The following SHISA9 variants were observed in gnomAD, a reference collection of about 807,000 sequenced individuals.
SHISA9 encodes protein shisa-9.
SHISA9 carries 13 observed loss-of-function variants against 38.0 expected under a neutral mutation model. The observed-to-expected ratio is 0.34, with a 90% CI of 0.22 to 0.54. The LOEUF is 0.54. Among genes scored for constraint, SHISA9 ranks in the 20% least tolerant of loss-of-function variants. The pLI, the probability that SHISA9 is intolerant of heterozygous loss-of-function variation, is 0.91. For synonymous variants in SHISA9, 275 were observed against 242.0 expected, an observed-to-expected ratio of 1.14 and a Z score of -1.27; for missense variants, 538 against 575.8, an observed-to-expected ratio of 0.93 and a Z score of 0.67.
intron 2 of SHISA9, among the ~76,000 whole-genome samples, chr16:13,108,495 G>C (rs1473714015): frequency 6.6e-6 from 1 of 151,908 alleles, no homozygotes; most frequent in East Asian, 1.9e-4. Flanking sequence ...TAAACTCCTG[G>C]GTCAGGTGAT....
chr16:13,460,438 G>C, the SHISA9 span, among the ~76,000 whole-genome samples: 1 of 152,126 alleles, frequency 6.6e-6, no homozygotes, highest in African/African-American at 2.4e-5. Flanking sequence ...CTTTACAGAG[G>C]AGGAACCCCA....
the SHISA9 span, among the ~76,000 whole-genome samples, chr16:13,340,006 G>A: frequency 6.6e-6 from 1 of 152,082 alleles, no homozygotes; most frequent in African/African-American, 2.4e-5. Context: ...ATTTGATGTG[G>A]AGGGCTATAA....
At chr16:13,185,896 T>C (rs2050816777) in intron 2 of SHISA9, among the ~76,000 whole-genome samples, 1 of 152,242 alleles carries the variant, frequency 6.6e-6, no homozygotes, top group Non-Finnish European at 1.5e-5. Context: ...AATCAAGGAC[T>C]GAGTTTTGTA....
intron 2 of SHISA9, among the ~76,000 whole-genome samples, chr16:13,076,466 C>T (rs547126957): frequency 6.6e-6 from 1 of 152,308 alleles, no homozygotes; most frequent in South Asian, 2.1e-4. Flanking sequence ...AGTTAGCCCA[C>T]TTCCCCCTGC....
the SHISA9 span, among the ~76,000 whole-genome samples, chr16:13,379,016 C>G: frequency 6.6e-6 from 1 of 152,184 alleles, no homozygotes; most frequent in Non-Finnish European, 1.5e-5. Flanking sequence ...AGTTTCACCA[C>G]TCAAGGAACC....
the SHISA9 span, among the ~76,000 whole-genome samples, chr16:13,507,648 T>C: frequency 2.6e-5 from 4 of 152,118 alleles, no homozygotes; most frequent in East Asian, 5.8e-4. Flanking sequence ...CTGAGTGTGG[T>C]TGAATTTACC....
the SHISA9 span, among the ~76,000 whole-genome samples, chr16:13,398,897 T>G: frequency 6.6e-6 from 1 of 152,336 alleles, no homozygotes; most frequent in South Asian, 2.1e-4. Flanking sequence ...ATGAATGAAT[T>G]AATGAATGGA....
At chr16:13,291,530 G>A in the SHISA9 span, among the ~76,000 whole-genome samples, 5 of 152,208 alleles carry the variant, frequency 3.3e-5, no homozygotes, top group Non-Finnish European at 7.4e-5. Flanking sequence ...CCCATGAAGT[G>A]CTCCCAATTT....
At chr16:13,281,357 T>C in the SHISA9 span, among the ~76,000 whole-genome samples, 1 of 151,844 alleles carries the variant, frequency 6.6e-6, no homozygotes, top group East Asian at 1.9e-4. Flanking sequence ...ACTGTTTGCA[T>C]AGTATATCTT....
At chr16:13,514,331 T>A in the SHISA9 span, among the ~76,000 whole-genome samples, 1 of 151,710 alleles carries the variant, frequency 6.6e-6, no homozygotes, top group South Asian at 2.1e-4. Flanking sequence ...AGAAAAAATT[T>A]AAAAAAAGAA....
chr16:12,923,316 G>A (rs965278866), intron 2 of SHISA9, among the ~76,000 whole-genome samples: 14 of 152,204 alleles, frequency 9.2e-5, no homozygotes, highest in Admixed American at 5.9e-4. Flanking sequence ...ATCCCTTGAG[G>A]CCATGAGTTT....
intron 2 of SHISA9, among the ~76,000 whole-genome samples, chr16:13,019,031 G>A (rs935620033): frequency 2.0e-5 from 3 of 152,084 alleles, no homozygotes; most frequent in African/African-American, 7.2e-5. Flanking sequence ...ACAGAGTCTT[G>A]CTCTGTTGCT....
chr16:13,018,492 T>C (rs2072783902), intron 2 of SHISA9, among the ~76,000 whole-genome samples: 2 of 152,192 alleles, frequency 1.3e-5, no homozygotes, highest in African/African-American at 2.4e-5. Context: ...GCTTACCTTT[T>C]ACAAGCTGTA....
chr16:13,440,677 C>A, the SHISA9 span, among the ~76,000 whole-genome samples: 1 of 152,150 alleles, frequency 6.6e-6, no homozygotes, highest in South Asian at 2.1e-4. Flanking sequence ...GACTATAATC[C>A]CAGCACTTTG....
rs571452537 is a variant in SHISA9, at chr16:13,220,744, G to A, written c.895+7444G>A. On this transcript the variant is annotated intron_variant, in intron 4 of 4. Transcript: ENST00000558583. ...GATGCAGTTCCATCCAGAACCCTGT[G>A]TGGGAATCGGTGGGAGGGGATCTGT... Among the ~76,000 whole-genome samples the A allele has an allele frequency of 2.8e-4, 43 of 152,318 alleles. No homozygotes were observed. The South Asian group carries it at 8.5e-3, about 30-fold the overall frequency.
At chr16:13,069,595 ATG>A (rs1403648909) in intron 2 of SHISA9, among the ~76,000 whole-genome samples, 3 of 151,930 alleles carry the variant, frequency 2.0e-5, no homozygotes, top group African/African-American at 7.3e-5. Context: ...CATGTGATGT[ATG>A]TGTGCATGTG....
intron 1 of SHISA9, among the ~76,000 whole-genome samples, chr16:12,907,864 C>T (rs2071123761): frequency 6.6e-6 from 1 of 152,200 alleles, no homozygotes; most frequent in Non-Finnish European, 1.5e-5. Context: ...TGACTGCCCC[C>T]TTCAGGAAGC....
chr16:13,122,849 C>T (rs1248598657), intron 2 of SHISA9, among the ~76,000 whole-genome samples: 4 of 152,160 alleles, frequency 2.6e-5, no homozygotes. Context: ...GAGTTTGAGA[C>T]AAGCCTGGCC....
At chr16:13,380,473 A>T in the SHISA9 span, among the ~76,000 whole-genome samples, 1 of 152,186 alleles carries the variant, frequency 6.6e-6, no homozygotes, top group Admixed American at 6.5e-5. Context: ...TATAACAGTG[A>T]GTTAAAAATT....
Sources: gnomAD v4.1 joint callset for allele counts (sites outside exome capture counted in the v4.1 genomes callset) on GRCh38, gnomAD v4.1.1 for gene constraint, MANE v1.5 for transcripts, NCBI Gene and HGNC (gene_info 2026-07-23, HGNC 2026-07-21) for gene names.